Variants in FMOD observed in about 807,000 individuals in gnomAD.
FMOD encodes the protein fibromodulin, also known as KSPG fibromodulin.
A neutral mutation model predicts 27.0 loss-of-function variants in FMOD; 15 were observed. That is an observed-to-expected ratio of 0.55 (90% CI 0.37 to 0.85). The LOEUF is 0.85. FMOD is among the 40% of genes least tolerant of loss of function. The pLI, the probability that FMOD is intolerant of heterozygous loss-of-function variation, is 0.00. For missense variants in FMOD, 460 were observed against 483.2 expected (o/e 0.95, Z 0.45); for synonymous variants, 210 against 214.0 (o/e 0.98, Z 0.16).
intron 1 of FMOD, among the ~76,000 whole-genome samples, chr1:203,350,254 C>T (rs1658967307): frequency 6.6e-6 from 1 of 152,210 alleles, no homozygotes; most frequent in Non-Finnish European, 1.5e-5. Context: ...CTCCTTACCC[C>T]ATCCCATCTC....
At position 203,346,935 on chromosome 1, in the gene FMOD, G is replaced by A. The variant is rs116862163; in HGVS notation, c.979+357C>T. 4.0e-4 allele frequency among the ~76,000 whole-genome samples: 61 copies of A among 152,104 alleles called. No homozygotes were observed. The East Asian group carries it at 8.9e-3, about 22-fold the overall frequency. The stretch of plus-strand genomic sequence containing the variant: ...ACATTTCCCAGCTGTCCCCTACATC[G>A]ACAGGTGACCTGTGAAAATGACTGG... On this transcript the variant is annotated intron_variant, in intron 2 of 2. Coordinates refer to ENST00000354955, the MANE Select transcript of FMOD (RefSeq NM_002023.5).
At chr1:203,349,435 G>A (rs1658954206) in intron 1 of FMOD, among the ~76,000 whole-genome samples, 3 of 152,188 alleles carry the variant, frequency 2.0e-5, no homozygotes, top group African/African-American at 7.2e-5. Context: ...GACTGAAGAG[G>A]AAATGTGGGT....
rs1658788351 is a variant in FMOD at position 203,341,158 on chromosome 1, G to A, written c.*1185C>T. 6.6e-6 allele frequency: 1 copy of A among 152,230 alleles called. No individual in the cohort carries two copies. Among genetic ancestry groups the A allele is most frequent in the Non-Finnish European group, 1.5e-5 (1 of 68,074 alleles). The allele number at this position is 152,230 out of a possible 1,614,324, so 9.4% of individuals were successfully genotyped here. On this transcript the variant is annotated 3_prime_UTR_variant, in exon 3 of 3. Transcript: ENST00000354955. ...TGTATGCCCAGCACAGGCAAGATTT[G>A]GCTGCCTGGCCTGGGCTTCACGGAC... is the stretch of plus-strand genomic sequence containing the variant.
At chr1:203,345,868 G>A (rs1462466302) in intron 2 of FMOD, among the ~76,000 whole-genome samples, 3 of 143,178 alleles carry the variant, frequency 2.1e-5, no homozygotes, top group Non-Finnish European at 3.0e-5. Context: ...ACTGCACTCC[G>A]GCCTGGGTGA....
At chr1:203,345,263 T>C (rs1658868004) in intron 2 of FMOD, among the ~76,000 whole-genome samples, 1 of 152,162 alleles carries the variant, frequency 6.6e-6, no homozygotes, top group Non-Finnish European at 1.5e-5. Flanking sequence ...TGCACTAATT[T>C]TATTTTCTGA....
chr1:203,349,738 C>G (rs1045131879), intron 1 of FMOD, among the ~76,000 whole-genome samples: 6 of 152,124 alleles, frequency 3.9e-5, no homozygotes, highest in Non-Finnish European at 8.8e-5. Flanking sequence ...TGGGAAAGAC[C>G]CCAACTATGA....
At chr1:203,348,395 C>T (rs1040168518) in intron 1 of FMOD, 118 bp from the exon 2 acceptor site, 21 of 1,031,984 alleles carry the variant, frequency 2.0e-5, no homozygotes, top group Middle Eastern at 2.9e-4. Context: ...CCATGTCAAA[C>T]ATCTGAGAGC....
In FMOD at chr1:203,342,428, C is replaced by T. The variant is rs1325044595; in HGVS notation, c.1046G>A (p.Arg349His). Residue 349 changes from arginine to histidine, a missense_variant, in exon 3 of 3, where the codon CGC becomes CAC. By Grantham distance (29) the Arg-to-His change is conservative. Coordinates refer to ENST00000354955, the MANE Select transcript of FMOD (RefSeq NM_002023.5). Reference protein sequence around the residue: ...VVNFSKLQVLRLDGNEIKRSA... With the variant: ...VVNFSKLQVLHLDGNEIKRSA... ...GCGCTTGATCTCGTTCCCGTCCAGG[C>T]GCAGCACCTGCAGCTTGGAGAAGTT... 5.6e-6 allele frequency: 9 copies of T among 1,613,984 alleles called. No homozygotes were observed. The highest frequency in any genetic ancestry group is 4.5e-5 in the East Asian group (2 of 44,896).
chr1:203,350,294 C>T (rs768540730), intron 1 of FMOD, among the ~76,000 whole-genome samples: 1 of 152,194 alleles, frequency 6.6e-6, no homozygotes, highest in East Asian at 1.9e-4. Flanking sequence ...GTTGCATAGT[C>T]TTACACTGTT....
Position 203,347,725 on chromosome 1 carries a change from A to G in FMOD, c.546T>C (p.His182=). 6.2e-7 allele frequency: 1 copy of G among 1,613,922 alleles called. No individual in the cohort carries two copies. Among genetic ancestry groups the G allele is most frequent in the Non-Finnish European group, 8.5e-7 (1 of 1,180,004 alleles). ...CCCGTGAGATCTGGTTGTGGTCGAG[A>G]TGGAGCTCTCTCAGGGATCGAGGCA... ...GPLPRSLREL[H]LDHNQISRVP... Residue 182 remains histidine, a synonymous_variant, in exon 2 of 3, where the codon CAT becomes CAC. Transcript: ENST00000354955.
intron 2 of FMOD, among the ~76,000 whole-genome samples, chr1:203,345,347 T>C (rs1355630496): frequency 6.6e-6 from 1 of 152,228 alleles, no homozygotes. Flanking sequence ...AGAACGATGA[T>C]AAAAGGTTGT....
chr1:203,346,302 A>G (rs1658887826), intron 2 of FMOD, among the ~76,000 whole-genome samples: 1 of 152,116 alleles, frequency 6.6e-6, no homozygotes, highest in South Asian at 2.1e-4. Context: ...TCCCTTCTCC[A>G]GATGGAAGAG....
rs940040756 is a variant in FMOD at position 203,347,527 on chromosome 1, C to A, written c.744G>T (p.Gln248His). ...AGACATTGTTGTGCTCCATGTACAG[C>A]TGCTCAAGAGCTGAGGGCAGCCCAT... Reference protein sequence around the residue: ...VPDGLPSALEQLYMEHNNVYT... With the variant: ...VPDGLPSALEHLYMEHNNVYT... Residue 248 changes from glutamine to histidine, a missense_variant, in exon 2 of 3, where the codon CAG (glutamine) becomes CAT (histidine). Transcript: ENST00000354955. 2 of 1,614,068 alleles carry A rather than the reference C, an allele frequency of 1.2e-6. No homozygotes were observed. The highest frequency in any genetic ancestry group is 1.7e-6 in the Non-Finnish European group (2 of 1,180,038).
intron 1 of FMOD, among the ~76,000 whole-genome samples, 191 bp from the exon 2 acceptor site, chr1:203,348,468 G>A (rs571102029): frequency 2.6e-5 from 4 of 152,292 alleles, no homozygotes; most frequent in South Asian, 2.1e-4. Flanking sequence ...TGGTCCAGCC[G>A]GACCATGGCT....
chr1:203,345,701 G>A (rs60287688), intron 2 of FMOD, among the ~76,000 whole-genome samples: 1,540 of 152,152 alleles, frequency 0.01, 30 homozygotes, highest in African/African-American at 0.035. Flanking sequence ...GATCAAGACC[G>A]TCCTGGCTAA....
At chr1:203,347,253 T>A in intron 2 of FMOD, 39 bp downstream of exon 2, 13 of 1,559,642 alleles carry the variant, frequency 8.3e-6, no homozygotes, top group Non-Finnish European at 1.1e-5. Flanking sequence ...TCAAGTGAAA[T>A]AGACAGCCAG....
At position 203,342,459 on chromosome 1, in the gene FMOD, C is replaced by A. The variant is rs753219251; in HGVS notation, c.1015G>T (p.Val339Phe). Residue 339 changes from valine to phenylalanine, a missense_variant, in exon 3 of 3, where the codon GTC becomes TTC. Val to Phe is a conservative substitution (Grantham distance 50). Transcript: ENST00000354955. Reference protein sequence around the residue: ...SISSFCTVVDVVNFSKLQVLR... With the variant: ...SISSFCTVVDFVNFSKLQVLR... ...ACCTGCAGCTTGGAGAAGTTCACGA[C>A]GTCCACCACGGTGCAGAAGCTGCTG... 19 of 1,614,138 alleles carry A rather than the reference C, an allele frequency of 1.2e-5. No homozygotes were observed. The highest frequency in any genetic ancestry group is 3.3e-4 in the Middle Eastern group (2 of 6,062).
intron 2 of FMOD, among the ~76,000 whole-genome samples, chr1:203,346,548 C>G (rs907095402): frequency 6.6e-6 from 1 of 151,588 alleles, no homozygotes; most frequent in African/African-American, 2.4e-5. Context: ...AACAGGAAGC[C>G]CAGTGTCCTA....
intron 1 of FMOD, among the ~76,000 whole-genome samples, chr1:203,349,622 G>C (rs1479362752): frequency 6.6e-6 from 1 of 152,186 alleles, no homozygotes; most frequent in Non-Finnish European, 1.5e-5. Context: ...GCCTGGAAGA[G>C]TCACATACAG....
Sources: allele counts gnomAD v4.1 joint callset (sites outside exome capture counted in the v4.1 genomes callset), GRCh38; gene constraint gnomAD v4.1.1; transcripts MANE v1.5; gene names NCBI Gene and HGNC (gene_info 2026-07-23, HGNC 2026-07-21).